ALDOC: variants seen among roughly 807,000 people sequenced by gnomAD.
The protein encoded by ALDOC is fructose-bisphosphate aldolase C.
ALDOC carries 23 observed loss-of-function variants against 39.5 expected under a neutral mutation model. The ratio of observed to expected loss-of-function variants is 0.58; its 90% confidence interval spans 0.42 to 0.82. ALDOC has a LOEUF of 0.82. Among genes scored for constraint, ALDOC ranks in the 40% least tolerant of loss-of-function variants. The pLI, the probability that ALDOC is intolerant of heterozygous loss-of-function variation, is 0.00. For synonymous variants in ALDOC, 160 were observed against 182.6 expected (o/e 0.88, Z 1.00); for missense variants, 356 against 479.1 (o/e 0.74, Z 2.40).
In ALDOC at chr17:28,573,989, A is replaced by T; in HGVS notation, c.800-55T>A. On this transcript the variant is annotated intron_variant, in intron 7 of 8. Coordinates refer to ENST00000226253, the MANE Select transcript of ALDOC (RefSeq NM_005165.3). This position sits in a 1 kb window ranked among gnomAD's most constrained non-coding sequence, Gnocchi z 4.3. ...TGGTCACTCCCAATTTTTCCAGGATAGGGAACCCCTGAAGGCCACAAGAAG... is the reference window on the plus strand; with the variant it reads ...TGGTCACTCCCAATTTTTCCAGGATTGGGAACCCCTGAAGGCCACAAGAAG... The T allele has an allele frequency of 6.2e-7, 1 of 1,611,072 alleles. No homozygotes were observed. Among genetic ancestry groups the T allele is most frequent in the South Asian group, 1.1e-5 (1 of 90,854 alleles).
Position 28,575,846 on chromosome 17 carries a change from C to A in ALDOC, c.-12-302G>T. ...TCTTCTGATAAATCTGCTGCCCAATCAAGGATGCCAACCCTTCTTTCACTG... is the reference window on the plus strand; with the variant it reads ...TCTTCTGATAAATCTGCTGCCCAATAAAGGATGCCAACCCTTCTTTCACTG... On this transcript the variant is annotated intron_variant, in intron 1 of 8. Transcript: ENST00000226253. This position sits in a 1 kb window ranked among gnomAD's most constrained non-coding sequence, Gnocchi z 4.3. 1.6e-6 allele frequency: 1 copy of A among 607,848 alleles called. No homozygotes were observed. 37.7% of individuals were successfully genotyped at this position (607,848 alleles called of 1,614,324 possible).
At position 28,573,876 on chromosome 17, in the gene ALDOC, G is replaced by A. The variant is rs1328914065; in HGVS notation, c.858C>T (p.Ala286=). The change falls in exon 8 of 9, where the codon GCC becomes GCT. Residue 286 remains alanine (A), a synonymous_variant. Transcript: ENST00000226253. The surrounding 1 kb of genome is among the most constrained non-coding windows in gnomAD (Gnocchi z 4.3). ...SEEEASFNLN[A]INRCPLPRPW... ...GTCGGGGAAGGGGGCAGCGGTTGATGGCATTGAGGTTGAATGATGCCTCTT... is the reference window on the plus strand; with the variant it reads ...GTCGGGGAAGGGGGCAGCGGTTGATAGCATTGAGGTTGAATGATGCCTCTT... The A allele has an allele frequency of 2.5e-6, 4 of 1,614,242 alleles. No individual in the cohort carries two copies. The highest frequency in any genetic ancestry group is 2.5e-6 in the Non-Finnish European group (3 of 1,180,032).
chr17:28,575,288 C>T lies in ALDOC; in HGVS notation c.159G>A (p.Glu53=), dbSNP rs1289907302. ...RLSQIGVENT[E]ENRRLYRQVL... is the part of the protein sequence containing the mutation. ...CCTGGCGGTACAGCCGGCGGTTCTC[C>T]TCTGTGTTTTCCACCCCAATTTGGC... Residue 53 remains glutamate, a synonymous_variant, in exon 3 of 9, where the codon GAG becomes GAA. Transcript: ENST00000226253. The surrounding 1 kb of genome is among the most constrained non-coding windows in gnomAD (Gnocchi z 4.3). 6.2e-7 allele frequency: 1 copy of T among 1,614,220 alleles called. No homozygotes were observed. Among genetic ancestry groups the T allele is most frequent in the Non-Finnish European group, 8.5e-7 (1 of 1,180,032 alleles).
rs747090728 is a variant in ALDOC, at chr17:28,575,399, C to T, written c.112+22G>A. The T allele has an allele frequency of 1.3e-4, 203 of 1,614,224 alleles. 1 individual carries two copies. In the East Asian group the frequency reaches 4.4e-3, roughly 35 times the overall value. ...GGTCCCCTAGCCACCTGTACCCTAC[C>T]TGGCTACAGATGTCCACTTACCTAC... On this transcript the variant is annotated intron_variant, in intron 2 of 8. Coordinates refer to ENST00000226253, the MANE Select transcript of ALDOC (RefSeq NM_005165.3). This position sits in a 1 kb window ranked among gnomAD's most constrained non-coding sequence, Gnocchi z 4.3.
At position 28,575,106 on chromosome 17, in the gene ALDOC, A is replaced by G. The variant is rs755442632; in HGVS notation, c.324+17T>C. The G allele has an allele frequency of 6.2e-7, 1 of 1,614,148 alleles. No individual in the cohort carries two copies. The highest frequency in any genetic ancestry group is 8.5e-7 in the Non-Finnish European group (1 of 1,179,968). Reference sequence around the variant, plus strand: ...TTCACACCCAGCTTCCATTCAGAGCAGGGCCAGGGGCTGCACCTTGATGCC... The same window carrying G: ...TTCACACCCAGCTTCCATTCAGAGCGGGGCCAGGGGCTGCACCTTGATGCC... On this transcript the variant is annotated intron_variant, in intron 3 of 8. Transcript: ENST00000226253. The surrounding 1 kb of genome is among the most constrained non-coding windows in gnomAD (Gnocchi z 4.3).
At chr17:28,576,093 TCTC>T (rs145061325) in intron 1 of ALDOC, 41,030 of 759,244 alleles carry the variant, frequency 0.054, 1,303 homozygotes, top group Middle Eastern at 0.059. Context: ...TCCTGCAGCT[TCTC>T]CTTTTCTGTA....
rs200821079 is a variant in ALDOC, at chr17:28,574,735, G to A, written c.501C>T (p.Asn167=). 9.7e-5 allele frequency: 156 copies of A among 1,614,192 alleles called. 1 individual carries two copies. The highest frequency in any genetic ancestry group is 2.7e-4 in the South Asian group (25 of 91,080). ...RTPSALAILE[N]ANVLARYASI... is the part of the protein sequence containing the mutation. ...TGGCATAACGGGCCAGCACGTTGGC[G>A]TTCTCCAGAATGGCAAGTGCAGAGG... The change falls in exon 5 of 9, where the codon AAC becomes AAT. Residue 167 remains asparagine, a synonymous_variant. Coordinates refer to ENST00000226253, the MANE Select transcript of ALDOC (RefSeq NM_005165.3).
In ALDOC at chr17:28,575,719, T is replaced by A. The variant is rs1049625708; in HGVS notation, c.-12-175A>T. ...TTCTGACAGCTAGCAAGCTTAGGGC[T>A]CCAGTTCCCACATCTCCTTTTGTCC... On this transcript the variant is annotated intron_variant, in intron 1 of 8. Transcript: ENST00000226253. The surrounding 1 kb of genome is among the most constrained non-coding windows in gnomAD (Gnocchi z 4.3). 4 of 808,942 alleles carry A rather than the reference T, an allele frequency of 4.9e-6. No individual in the cohort carries two copies. The highest frequency in any genetic ancestry group is 7.5e-6 in the Non-Finnish European group (4 of 533,692). 50.1% of individuals were successfully genotyped at this position (808,942 alleles called of 1,614,324 possible).
rs1597591128 is a variant in ALDOC at position 28,575,639 on chromosome 17, G to A, written c.-12-95C>T. On this transcript the variant is annotated intron_variant, in intron 1 of 8. Transcript: ENST00000226253. The surrounding 1 kb of genome is among the most constrained non-coding windows in gnomAD (Gnocchi z 4.3). The stretch of plus-strand genomic sequence containing the variant: ...TGGCCTCCCCATCAAGCAAGGGGCT[G>A]GGAACAGGGCAGCAGTCCTTGGCAT... 5.5e-6 allele frequency: 8 copies of A among 1,461,228 alleles called. No individual in the cohort carries two copies. The East Asian group carries it at 1.5e-4, about 27-fold the overall frequency. The allele number at this position is 1,461,228 out of a possible 1,614,324, so 90.5% of individuals were successfully genotyped here. A position where few individuals can be genotyped will look rare whatever the true frequency, so the allele number is the denominator to read the frequency against.
Position 28,574,209 on chromosome 17 carries a change from G to A in ALDOC, c.657C>T (p.Asp219=). The A allele has an allele frequency of 6.2e-7, 1 of 1,604,306 alleles. No homozygotes were observed. Among genetic ancestry groups the A allele is most frequent in the Non-Finnish European group, 8.5e-7 (1 of 1,175,198 alleles). Residue 219 remains aspartate, a synonymous_variant, in exon 7 of 9, where the codon GAC becomes GAT. Transcript: ENST00000226253. The part of the protein sequence containing the change: ...VLAAVYKALS[D]HHVYLEGTLL... The stretch of plus-strand genomic sequence containing the variant: ...GGGTCCCCTCCAGGTATACATGATG[G>A]TCACTCAGGGCCTTGTACACAGCAG...
chr17:28,573,871 T>C lies in ALDOC; in HGVS notation c.863A>G (p.Asn288Ser). Residue 288 changes from asparagine to serine, a missense_variant, in exon 8 of 9, where the codon AAC (asparagine) becomes AGC (serine). Asn to Ser is a conservative substitution (Grantham distance 46). Transcript: ENST00000226253. The surrounding 1 kb of genome is among the most constrained non-coding windows in gnomAD (Gnocchi z 4.3). ...CCAGGGTCGGGGAAGGGGGCAGCGG[T>C]TGATGGCATTGAGGTTGAATGATGC... is the stretch of plus-strand genomic sequence containing the variant. ...EEASFNLNAI[N>S]RCPLPRPWAL... 1 of 1,614,192 alleles carries C rather than the reference T, an allele frequency of 6.2e-7. No individual in the cohort carries two copies. Among genetic ancestry groups the C allele is most frequent in the Middle Eastern group, 1.6e-4 (1 of 6,062 alleles).
At position 28,575,144 on chromosome 17, in the gene ALDOC, C is replaced by T; in HGVS notation, c.303G>A (p.Lys101=). The change falls in exon 3 of 9, where the codon AAG becomes AAA. Residue 101 remains lysine, a synonymous_variant. Coordinates refer to ENST00000226253, the MANE Select transcript of ALDOC (RefSeq NM_005165.3). This position sits in a 1 kb window ranked among gnomAD's most constrained non-coding sequence, Gnocchi z 4.3. ...GVPFVRTIQD[K]GIVVGIKVDK... ...GCACCTTGATGCCCACGACGATGCC[C>T]TTATCCTGGATGGTTCGGACGAAGG... 1.2e-6 allele frequency: 2 copies of T among 1,614,188 alleles called. No homozygotes were observed. Among genetic ancestry groups the T allele is most frequent in the East Asian group, 2.2e-5 (1 of 44,870 alleles).
rs934394065 is a variant in ALDOC at position 28,575,814 on chromosome 17, C to T, written c.-12-270G>A. ...GGTGGGGAGGTGAGCAGCCCTGAAG[C>T]CACAGCTCTTCTGATAAATCTGCTG... On this transcript the variant is annotated intron_variant, in intron 1 of 8. Transcript: ENST00000226253. This position sits in a 1 kb window ranked among gnomAD's most constrained non-coding sequence, Gnocchi z 4.3. The T allele has an allele frequency of 2.8e-5, 16 of 569,142 alleles. No homozygotes were observed. The highest frequency in any genetic ancestry group is 5.6e-4 in the Middle Eastern group (1 of 1,792). The allele number at this position is 569,142 out of a possible 1,614,324, so 35.3% of individuals were successfully genotyped here. A position where few individuals can be genotyped will look rare whatever the true frequency, so the allele number is the denominator to read the frequency against.
At chr17:28,574,453 C>G (rs1409609032) in intron 6 of ALDOC, 41 bp downstream of exon 6, 1 of 1,595,574 alleles carries the variant, frequency 6.3e-7, no homozygotes, top group African/African-American at 1.3e-5. Context: ...TCCTGCCGAG[C>G]TGTCCCTGCA....
In ALDOC at chr17:28,574,069, G is replaced by A. The variant is rs1442305421; in HGVS notation, c.797C>T (p.Pro266Leu). 1 of 1,595,262 alleles carries A rather than the reference G, an allele frequency of 6.3e-7. No homozygotes were observed. Among genetic ancestry groups the A allele is most frequent in the South Asian group, 1.1e-5 (1 of 87,520 alleles). Residue 266 changes from proline to leucine, a missense_variant and splice_region_variant, in exon 7 of 9, where the codon CCA (proline) becomes CTA (leucine). Pro to Leu is a moderately conservative substitution (Grantham distance 98). Coordinates refer to ENST00000226253, the MANE Select transcript of ALDOC (RefSeq NM_005165.3). ...CAGGTTAGGGAGCTGGGTAGTACCT[G>A]GGACAGCTGGGGGCACAGTGCGACG... ...ALRRTVPPAVPGVTFLSGGQS... is the reference protein window; with the variant it reads ...ALRRTVPPAVLGVTFLSGGQS...
Position 28,573,327 on chromosome 17 carries a change from A to G in ALDOC, c.*199T>C. ...ACTTCTAGCAATTTCTTCTGCCCTCAGTCATGAGGGGCTCCCTATCCTCCC... is the reference window on the plus strand; with the variant it reads ...ACTTCTAGCAATTTCTTCTGCCCTCGGTCATGAGGGGCTCCCTATCCTCCC... On this transcript the variant is annotated 3_prime_UTR_variant, in exon 9 of 9. Transcript: ENST00000226253. This position sits in a 1 kb window ranked among gnomAD's most constrained non-coding sequence, Gnocchi z 4.3. 1.6e-6 allele frequency: 1 copy of G among 611,902 alleles called. No homozygotes were observed. Among genetic ancestry groups the G allele is most frequent in the South Asian group, 1.9e-5 (1 of 53,434 alleles). The allele number at this position is 611,902 out of a possible 1,614,324, so 37.9% of individuals were successfully genotyped here.
Position 28,575,280 on chromosome 17 carries a change from C to G in ALDOC, c.167G>C (p.Arg56Pro). 6.2e-7 allele frequency: 1 copy of G among 1,614,182 alleles called. No homozygotes were observed. The highest frequency in any genetic ancestry group is 1.3e-5 in the African/African-American group (1 of 75,054). Residue 56 changes from arginine (R) to proline (P), a missense_variant, in exon 3 of 9, where the codon CGC becomes CCC. By Grantham distance (103) the Arg-to-Pro change is moderately radical. Transcript: ENST00000226253. This position sits in a 1 kb window ranked among gnomAD's most constrained non-coding sequence, Gnocchi z 4.3. The part of the protein sequence containing the change: ...QIGVENTEEN[R>P]RLYRQVLFSA... Reference sequence around the variant, plus strand: ...GAACAGGACCTGGCGGTACAGCCGGCGGTTCTCCTCTGTGTTTTCCACCCC... The same window carrying G: ...GAACAGGACCTGGCGGTACAGCCGGGGGTTCTCCTCTGTGTTTTCCACCCC...
Position 28,575,305 on chromosome 17 carries a change from C to A in ALDOC, c.142G>T (p.Gly48Trp). The change falls in exon 3 of 9, where the codon GGG becomes TGG. Residue 48 changes from glycine to tryptophan, a missense_variant. By Grantham distance (184) the Gly-to-Trp change is radical. Coordinates refer to ENST00000226253, the MANE Select transcript of ALDOC (RefSeq NM_005165.3). This position sits in a 1 kb window ranked among gnomAD's most constrained non-coding sequence, Gnocchi z 4.3. ...CGGTTCTCCTCTGTGTTTTCCACCC[C>A]AATTTGGCTCAGCCGCTTGGCCATG... ...GSMAKRLSQI[G>W]VENTEENRRL... The A allele has an allele frequency of 6.2e-7, 1 of 1,614,204 alleles. No homozygotes were observed. Among genetic ancestry groups the A allele is most frequent in the Non-Finnish European group, 8.5e-7 (1 of 1,180,032 alleles).
chr17:28,573,624 G>A lies in ALDOC; in HGVS notation c.1000-3C>T, dbSNP rs1273568129. On this transcript the variant is annotated splice_region_variant and splice_polypyrimidine_tract_variant and intron_variant, in intron 8 of 8. Coordinates refer to ENST00000226253, the MANE Select transcript of ALDOC (RefSeq NM_005165.3). This position sits in a 1 kb window ranked among gnomAD's most constrained non-coding sequence, Gnocchi z 4.3. ...CCCTGGGCTGCAAGCCCATTCACCT[G>A]CAAAAGGGAGCGTGGAGTAAGCAGG... is the stretch of plus-strand genomic sequence containing the variant. 8.1e-6 allele frequency: 13 copies of A among 1,614,064 alleles called. No homozygotes were observed. The highest frequency in any genetic ancestry group is 1.3e-5 in the African/African-American group (1 of 74,938).
Sources: allele counts gnomAD v4.1 joint callset, GRCh38; gene constraint gnomAD v4.1.1; non-coding constraint Gnocchi (gnomAD v3.1); transcripts MANE v1.5; gene names NCBI Gene and HGNC (gene_info 2026-07-23, HGNC 2026-07-21).